Variants in PCDHGA2 observed in about 807,000 individuals in gnomAD.
The protein encoded by PCDHGA2 is protocadherin gamma-A2.
In PCDHGA2, 40 loss-of-function variants were observed where a neutral mutation model predicts 59.2. The observed-to-expected ratio is 0.68, with a 90% CI of 0.52 to 0.88. The LOEUF is 0.88. Ranked by LOEUF, PCDHGA2 falls within the 40% of genes least tolerant of loss-of-function variation. The pLI, the probability that PCDHGA2 is intolerant of heterozygous loss-of-function variation, is 0.00. For synonymous variants in PCDHGA2, 560 were observed against 526.0 expected (o/e 1.06, Z -0.89); for missense variants, 1,226 against 1,204.0 (o/e 1.02, Z -0.27).
chr5:141,415,434 C>T, intron 1 of PCDHGA2: 2 of 1,614,192 alleles, frequency 1.2e-6, no homozygotes, highest in Non-Finnish European at 1.7e-6. Context: ...TTCGGGCTTT[C>T]CTGCAGACCT....
chr5:141,351,276 A>G lies in PCDHGA2; in HGVS notation c.2424+9881A>G, dbSNP rs202007643. 8 of 1,613,958 alleles carry G rather than the reference A, an allele frequency of 5.0e-6. No individual in the cohort carries two copies. The highest frequency in any genetic ancestry group is 6.8e-6 in the Non-Finnish European group (8 of 1,179,840). ...ATAGAAATTGTTGACGAGAATGACA[A>G]TGCCCCAGAGGTGACATTCATGTCC... On this transcript the variant is annotated intron_variant, in intron 1 of 3. Coordinates refer to ENST00000394576, the MANE Select transcript of PCDHGA2 (RefSeq NM_018915.4).
At chr5:141,418,877 G>T in intron 1 of PCDHGA2, 1 of 1,613,960 alleles carries the variant, frequency 6.2e-7, no homozygotes, top group Non-Finnish European at 8.5e-7. Context: ...AGTTGTAGAC[G>T]AAAACGACAA....
intron 1 of PCDHGA2, among the ~76,000 whole-genome samples, chr5:141,481,886 C>T (rs575190135): frequency 6.9e-6 from 1 of 145,360 alleles, no homozygotes; most frequent in South Asian, 2.2e-4. Context: ...TGCACTCCAG[C>T]CTGGGTGAAA....
In PCDHGA2 at chr5:141,511,286, G is replaced by A. The variant is rs1231704933; in HGVS notation, c.*113G>A. On this transcript the variant is annotated 3_prime_UTR_variant, in exon 4 of 4. Coordinates refer to ENST00000394576, the MANE Select transcript of PCDHGA2 (RefSeq NM_018915.4). The stretch of plus-strand genomic sequence containing the variant: ...GGCTAACCCCCAGAATACTGGTAGG[G>A]GCCAAGGCCATGCTCCCCTTGGGAA... 2 of 1,520,242 alleles carry A rather than the reference G, an allele frequency of 1.3e-6. No individual in the cohort carries two copies. The allele number at this position is 1,520,242 out of a possible 1,614,324, so 94.2% of individuals were successfully genotyped here.
At position 141,388,323 on chromosome 5, in the gene PCDHGA2, C is replaced by T. The variant is rs534112048; in HGVS notation, c.2424+46928C>T. On this transcript the variant is annotated intron_variant, in intron 1 of 3. Coordinates refer to ENST00000394576, the MANE Select transcript of PCDHGA2 (RefSeq NM_018915.4). ...TGAGCTGCAAATAAGTGAGTCTGCA[C>T]AGCCTGGCACACGATTTATATTAGG... 54 of 1,613,894 alleles carry T rather than the reference C, an allele frequency of 3.3e-5. No individual in the cohort carries two copies. In the East Asian group the frequency reaches 1.2e-3, roughly 35 times the overall value.
Position 141,410,674 on chromosome 5 carries a change from A to G in PCDHGA2, c.2424+69279A>G. 3.2e-6 allele frequency: 5 copies of G among 1,551,418 alleles called. No homozygotes were observed. In the South Asian group the frequency reaches 3.6e-5, roughly 11 times the overall value. On this transcript the variant is annotated intron_variant, in intron 1 of 3. Coordinates refer to ENST00000394576, the MANE Select transcript of PCDHGA2 (RefSeq NM_018915.4). ...ATCTAATAGTCTACTAGTTTCTCATATTTTAGGCATACTACTTTATTTTCA... is the reference window on the plus strand; with the variant it reads ...ATCTAATAGTCTACTAGTTTCTCATGTTTTAGGCATACTACTTTATTTTCA...
intron 1 of PCDHGA2, chr5:141,355,754 G>A (rs776270639): frequency 6.2e-7 from 1 of 1,613,930 alleles, no homozygotes; most frequent in Admixed American, 1.7e-5. Context: ...GTGCAAAGTG[G>A]GGCCGATGGG....
At chr5:141,349,791 AT>A (rs199730073) in intron 1 of PCDHGA2, among the ~76,000 whole-genome samples, 6 of 151,582 alleles carry the variant, frequency 4.0e-5, no homozygotes, top group South Asian at 4.2e-4. Context: ...ATCACTGAAG[AT>A]TTTTTTTTAC....
intron 1 of PCDHGA2, among the ~76,000 whole-genome samples, chr5:141,359,249 C>G (rs1368630621): frequency 6.6e-6 from 1 of 151,856 alleles, no homozygotes; most frequent in Non-Finnish European, 1.5e-5. Flanking sequence ...AGTAATTAAG[C>G]CATAAAATAT....
chr5:141,485,561 G>A lies in PCDHGA2; in HGVS notation c.2425-9246G>A. 1.9e-6 allele frequency: 3 copies of A among 1,613,008 alleles called. No homozygotes were observed. The highest frequency in any genetic ancestry group is 1.1e-5 in the South Asian group (1 of 91,026). ...AGAGATCGTAGATGTGAATGATCACGCCCCCCGTTTTCCGCGGCAGCAGCT... is the reference window on the plus strand; with the variant it reads ...AGAGATCGTAGATGTGAATGATCACACCCCCCGTTTTCCGCGGCAGCAGCT... On this transcript the variant is annotated intron_variant, in intron 1 of 3. Transcript: ENST00000394576. The surrounding 1 kb of genome is among the most constrained non-coding windows in gnomAD (Gnocchi z 5.7).
chr5:141,381,093 A>T (rs1776980252), intron 1 of PCDHGA2, among the ~76,000 whole-genome samples: 1 of 152,266 alleles, frequency 6.6e-6, no homozygotes, highest in Admixed American at 6.5e-5. Flanking sequence ...AGATCAAAAC[A>T]GAATGTCCTT....
intron 1 of PCDHGA2, among the ~76,000 whole-genome samples, chr5:141,481,913 CAAAAA>C (rs34114744): frequency 1.1e-5 from 1 of 90,852 alleles, no homozygotes; most frequent in Non-Finnish European, 2.2e-5. Flanking sequence ...AACTCCATCT[CAAAAA>C]AAAAAAAAAA....
rs1280525764 is a variant in PCDHGA2 at position 141,367,851 on chromosome 5, GT to G, written c.2424+26459del. Reference sequence around the variant, plus strand: ...AATCAATACCTACTGCAATGTTAGCGTTTCTTTAAGTGTAGGTGCAATTCTT... The same window carrying G: ...AATCAATACCTACTGCAATGTTAGCGTTCTTTAAGTGTAGGTGCAATTCTT... On this transcript the variant is annotated intron_variant, in intron 1 of 3. Transcript: ENST00000394576. 2.6e-5 allele frequency: 4 copies of G among 151,844 alleles called. No homozygotes were observed. The East Asian group carries it at 5.8e-4, about 22-fold the overall frequency. The allele number at this position is 151,844 out of a possible 1,614,324, so 9.4% of individuals were successfully genotyped here.
chr5:141,359,666 T>C lies in PCDHGA2; in HGVS notation c.2424+18271T>C, dbSNP rs575464328. Among the ~76,000 whole-genome samples, 19 of 152,200 alleles carry C rather than the reference T, an allele frequency of 1.2e-4. No homozygotes were observed. In the South Asian group the frequency reaches 3.9e-3, roughly 32 times the overall value. On this transcript the variant is annotated intron_variant, in intron 1 of 3. Transcript: ENST00000394576. ...GAAGGAGACAGAATATTTATAAAAA[T>C]CCGTTGCCCTATACAAGACATATCT...
At chr5:141,424,832 A>G (rs2096843522) in intron 1 of PCDHGA2, among the ~76,000 whole-genome samples, 1 of 152,174 alleles carries the variant, frequency 6.6e-6, no homozygotes. Context: ...TGCCTGACAT[A>G]CATGTTATCT....
intron 1 of PCDHGA2, chr5:141,346,479 A>G: frequency 6.2e-7 from 1 of 1,613,494 alleles, no homozygotes; most frequent in Non-Finnish European, 8.5e-7. Flanking sequence ...TATTTCTTTG[A>G]TTATTAAGAA....
rs762312563 is a variant in PCDHGA2 at position 141,493,182 on chromosome 5, A to G, written c.2425-1625A>G. Among the ~76,000 whole-genome samples, 1 of 152,232 alleles carries G rather than the reference A, an allele frequency of 6.6e-6. No homozygotes were observed. The highest frequency in any genetic ancestry group is 2.4e-5 in the African/African-American group (1 of 41,460). The stretch of plus-strand genomic sequence containing the variant: ...TAGCTGATTGAGAGAAACTTACTAT[A>G]TAACTCCTTTGAGAACCTCATCTCA... On this transcript the variant is annotated intron_variant, in intron 1 of 3. Coordinates refer to ENST00000394576, the MANE Select transcript of PCDHGA2 (RefSeq NM_018915.4). The surrounding 1 kb of genome is among the most constrained non-coding windows in gnomAD (Gnocchi z 4.3).
intron 1 of PCDHGA2, chr5:141,343,299 T>C: frequency 1.0e-6 from 1 of 971,234 alleles, no homozygotes; most frequent in Non-Finnish European, 1.2e-6. Context: ...AATGTATAAA[T>C]ATGGCTGATT....
At chr5:141,361,542 C>G in intron 1 of PCDHGA2, 1 of 1,614,054 alleles carries the variant, frequency 6.2e-7, no homozygotes, top group Non-Finnish European at 8.5e-7. Flanking sequence ...CTCCTGGCGC[C>G]TCTATCGCTC....
Sources: allele counts gnomAD v4.1 joint callset (sites outside exome capture counted in the v4.1 genomes callset), GRCh38; gene constraint gnomAD v4.1.1; non-coding constraint Gnocchi (gnomAD v3.1); transcripts MANE v1.5; gene names NCBI Gene and HGNC (gene_info 2026-07-23, HGNC 2026-07-21).